Variants in MYO1B observed in about 807,000 individuals in gnomAD.
MYO1B encodes myosin IB.
A neutral mutation model predicts 159.7 loss-of-function variants in MYO1B; 72 were observed. The ratio of observed to expected loss-of-function variants is 0.45; its 90% CI spans 0.37 to 0.55. The LOEUF is 0.55. Ranked by LOEUF, MYO1B falls within the 20% of genes least tolerant of loss-of-function variation. MYO1B has a pLI of 0.00. For missense variants in MYO1B, 1,062 were observed against 1,364.8 expected, an observed-to-expected ratio of 0.78 and a Z score of 3.50; for synonymous variants, 468 against 473.8, an observed-to-expected ratio of 0.99 and a Z score of 0.16.
In MYO1B at chr2:191,283,537, TC is replaced by T. The variant is rs112387865; in HGVS notation, c.135+6508del. On this transcript the variant is annotated intron_variant, in intron 2 of 30. Transcript: ENST00000392318. ...TTTCCTTATTGGTACCAGCTGCTGT[TC>T]TAAGCACTTTACATGTATTATTCAT... Among the ~76,000 whole-genome samples the T allele has an allele frequency of 5.1e-3, 780 of 152,356 alleles. 5 individuals carry two copies. Among genetic ancestry groups the T allele is most frequent in the African/African-American group, 0.018 (734 of 41,586 alleles).
In MYO1B at chr2:191,260,254, C is replaced by CTTTTTTTTTTTTTTTTTTTTTTTTT. The variant is rs57237733; in HGVS notation, c.-10+14641_-10+14642insTTTTTTTTTTTTTTTTTTTTTTTTT. Reference sequence around the variant, plus strand: ...TAATATTACTTTTTTCCCAGATAGGCTTTTTTTTTTTTTGAATTAAAGCTA... The same window carrying CTTTTTTTTTTTTTTTTTTTTTTTTT: ...TAATATTACTTTTTTCCCAGATAGGCTTTTTTTTTTTTTTTTTTTTTTTTTTTTTTTTTTTTTTGAATTAAAGCTA... On this transcript the variant is annotated intron_variant, in intron 1 of 30. Coordinates refer to ENST00000392318, the MANE Select transcript of MYO1B (RefSeq NM_001130158.3). Among the ~76,000 whole-genome samples, 351 of 60,978 alleles carry CTTTTTTTTTTTTTTTTTTTTTTTTT rather than the reference C, an allele frequency of 5.8e-3. 123 individuals are homozygous for CTTTTTTTTTTTTTTTTTTTTTTTTT. The highest frequency in any genetic ancestry group is 0.016 in the South Asian group (14 of 900). 40.0% of individuals were successfully genotyped at this position (60,978 alleles called of 152,430 possible).
In MYO1B at chr2:191,383,771, C is replaced by T. The variant is rs935243242; in HGVS notation, c.1353+429C>T. Among the ~76,000 whole-genome samples the T allele has an allele frequency of 1.6e-4, 25 of 151,924 alleles. 1 individual carries two copies. Among genetic ancestry groups the T allele is most frequent in the African/African-American group, 6.0e-4 (25 of 41,362 alleles). On this transcript the variant is annotated intron_variant, in intron 15 of 30. Transcript: ENST00000392318. The stretch of plus-strand genomic sequence containing the variant: ...GGAGCCCAGGTCTATTCCATGACTC[C>T]TGGGCATGTGAGTACTGATCAGAGT...
intron 15 of MYO1B, among the ~76,000 whole-genome samples, chr2:191,383,781 G>A (rs780451042): frequency 3.3e-5 from 5 of 151,938 alleles, no homozygotes; most frequent in Non-Finnish European, 7.4e-5. Context: ...CTGGGCATGT[G>A]AGTACTGATC....
chr2:191,303,445 G>A (rs1689457274), intron 3 of MYO1B, among the ~76,000 whole-genome samples: 1 of 152,148 alleles, frequency 6.6e-6, no homozygotes, highest in Non-Finnish European at 1.5e-5. Context: ...GCAGAAAAGG[G>A]TTTTATGCTT....
chr2:191,316,017 C>A (rs1046782192), intron 3 of MYO1B, among the ~76,000 whole-genome samples: 1 of 152,168 alleles, frequency 6.6e-6, no homozygotes, highest in Admixed American at 6.5e-5. Flanking sequence ...GATGGTTTGA[C>A]TCAATTAAAG....
chr2:191,282,210 G>A (rs1477638433), intron 2 of MYO1B, among the ~76,000 whole-genome samples: 1 of 152,198 alleles, frequency 6.6e-6, no homozygotes, highest in Non-Finnish European at 1.5e-5. Context: ...AAAATAAAGT[G>A]CACAGACTTA....
At chr2:191,375,912 T>G (rs1184169706) in intron 13 of MYO1B, among the ~76,000 whole-genome samples, 1 of 151,102 alleles carries the variant, frequency 6.6e-6, no homozygotes, top group African/African-American at 2.4e-5. Context: ...TGAGCCGAGA[T>G]TACACCACTG....
intron 13 of MYO1B, among the ~76,000 whole-genome samples, chr2:191,376,910 A>G (rs1261218951): frequency 6.6e-6 from 1 of 152,208 alleles, no homozygotes; most frequent in Non-Finnish European, 1.5e-5. Context: ...GCTAAGGAGA[A>G]TATACAAAGG....
intron 7 of MYO1B, among the ~76,000 whole-genome samples, chr2:191,358,767 A>G (rs1308249285): frequency 6.6e-6 from 1 of 152,194 alleles, no homozygotes; most frequent in African/African-American, 2.4e-5. Flanking sequence ...CCTCGTCCTC[A>G]CTCACAAGGG....
intron 7 of MYO1B, 125 bp from the exon 8 acceptor site, chr2:191,360,506 G>A: frequency 1.6e-6 from 1 of 617,122 alleles, no homozygotes; most frequent in Non-Finnish European, 2.8e-6. Flanking sequence ...TGAAAATACA[G>A]CTTCCTTTAT....
intron 13 of MYO1B, among the ~76,000 whole-genome samples, chr2:191,374,101 C>G (rs1392395710): frequency 1.3e-5 from 2 of 152,114 alleles, no homozygotes; most frequent in African/African-American, 4.8e-5. Flanking sequence ...TTCCCAGATG[C>G]CAGCCTATAT....
At chr2:191,339,600 C>T (rs1206131651) in intron 4 of MYO1B, among the ~76,000 whole-genome samples, 1 of 152,192 alleles carries the variant, frequency 6.6e-6, no homozygotes, top group Non-Finnish European at 1.5e-5. Flanking sequence ...GATGACCAGA[C>T]AACCTATTTG....
At chr2:191,395,189 A>G (rs369925191) in intron 20 of MYO1B, among the ~76,000 whole-genome samples, 1 of 152,218 alleles carries the variant, frequency 6.6e-6, no homozygotes, top group South Asian at 2.1e-4. Flanking sequence ...TGTCAGAATG[A>G]TGGTCAGATA....
At chr2:191,409,264 C>T (rs1365454326) in intron 26 of MYO1B, 86 bp downstream of exon 26, 44 of 1,394,656 alleles carry the variant, frequency 3.2e-5, no homozygotes, top group Non-Finnish European at 4.2e-5. Flanking sequence ...ACTGTTAACA[C>T]ATTCTTCCTT....
intron 8 of MYO1B, 52 bp from the exon 9 acceptor site, chr2:191,362,216 A>G (rs1284811682): frequency 1.5e-6 from 2 of 1,371,980 alleles, no homozygotes; most frequent in Non-Finnish European, 2.1e-6. Flanking sequence ...ATGAGATATT[A>G]AAGATTGGAT....
Position 191,270,675 on chromosome 2 carries a change from C to T in MYO1B, c.-9-6212C>T, listed in dbSNP as rs11904301. Among the ~76,000 whole-genome samples, 468 of 152,346 alleles carry T rather than the reference C, an allele frequency of 3.1e-3. 3 individuals are homozygous for T. Among genetic ancestry groups the T allele is most frequent in the African/African-American group, 0.011 (453 of 41,578 alleles). The stretch of plus-strand genomic sequence containing the variant: ...ATATTAGGTACTGAACCACATCCTA[C>T]AGACTTGGCTCCTCTTTTGCCTTTG... On this transcript the variant is annotated intron_variant, in intron 1 of 30. Transcript: ENST00000392318.
chr2:191,277,075 T>C (rs1169014623), intron 2 of MYO1B, 45 bp downstream of exon 2: 1 of 1,588,846 alleles, frequency 6.3e-7, no homozygotes, highest in Non-Finnish European at 8.5e-7. Context: ...ACTTTGTATT[T>C]TGTGCCAGAG....
intron 3 of MYO1B, among the ~76,000 whole-genome samples, chr2:191,329,478 T>C (rs921630577): frequency 7.2e-5 from 11 of 151,942 alleles, no homozygotes; most frequent in African/African-American, 2.7e-4. Flanking sequence ...CTCAACGTTA[T>C]CCAATTTTAG....
At chr2:191,401,778 C>T (rs1159488995) in intron 23 of MYO1B, 1 of 152,166 alleles carries the variant, frequency 6.6e-6, no homozygotes. Flanking sequence ...GAAGAACAAA[C>T]TTGTTCCTCT....
Sources: gnomAD v4.1 joint callset for allele counts (sites outside exome capture counted in the v4.1 genomes callset) on GRCh38, gnomAD v4.1.1 for gene constraint, MANE v1.5 for transcripts, NCBI Gene and HGNC (gene_info 2026-07-23, HGNC 2026-07-21) for gene names.